RAB22A: variants seen among roughly 807,000 people sequenced by gnomAD.
RAB22A encodes the protein ras-related protein Rab-22A.
A neutral mutation model predicts 30.2 loss-of-function variants in RAB22A; 13 were observed. The observed-to-expected ratio is 0.43, with a 90% CI of 0.28 to 0.68. RAB22A has a LOEUF of 0.68. Among genes scored for constraint, RAB22A ranks in the 30% least tolerant of loss-of-function variants. The pLI is 0.18. For synonymous variants in RAB22A, 89 were observed against 87.2 expected (o/e 1.02, Z -0.11); for missense variants, 177 against 246.8 (o/e 0.72, Z 1.89).
chr20:58,341,632 CAG>C (rs1986855855), intron 2 of RAB22A, among the ~76,000 whole-genome samples: 1 of 152,142 alleles, frequency 6.6e-6, no homozygotes, highest in Admixed American at 6.5e-5. Context: ...CAGGGTCAGA[CAG>C]GGAGTTAGAT....
rs1210219542 is a variant in RAB22A, at chr20:58,361,488, T to TGG, written c.*1786_*1787dup. ...AACTTCGTTTTGTTTAAAAGACATG[T>TGG]GGATGCTCCATGCCCCTAGGATTTT... On this transcript the variant is annotated 3_prime_UTR_variant, in exon 7 of 7. Coordinates refer to ENST00000244040, the MANE Select transcript of RAB22A (RefSeq NM_020673.3). The TGG allele has an allele frequency of 6.6e-6, 1 of 152,214 alleles. No individual in the cohort carries two copies. Among genetic ancestry groups the TGG allele is most frequent in the Non-Finnish European group, 1.5e-5 (1 of 68,036 alleles). The allele number at this position is 152,214 out of a possible 1,614,324, so 9.4% of individuals were successfully genotyped here. A position where few individuals can be genotyped will look rare whatever the true frequency, so the allele number is the denominator to read the frequency against.
intron 6 of RAB22A, among the ~76,000 whole-genome samples, chr20:58,356,587 A>G (rs1197077821): frequency 6.6e-6 from 1 of 152,234 alleles, no homozygotes; most frequent in African/African-American, 2.4e-5. Context: ...ATTTTCACAA[A>G]CTGAATATAC....
intron 2 of RAB22A, among the ~76,000 whole-genome samples, chr20:58,322,087 C>T (rs933754453): frequency 4.6e-5 from 7 of 152,176 alleles, no homozygotes; most frequent in Admixed American, 4.6e-4. Flanking sequence ...CATGAGCCAC[C>T]TCACCGGGCG....
intron 2 of RAB22A, among the ~76,000 whole-genome samples, chr20:58,335,666 GA>G (rs1340237264): frequency 6.6e-6 from 1 of 152,218 alleles, no homozygotes; most frequent in African/African-American, 2.4e-5. Flanking sequence ...TCAATGGCTG[GA>G]AAAGGAAGGT....
intron 2 of RAB22A, among the ~76,000 whole-genome samples, chr20:58,323,615 TTTTTTTTTTC>T (rs1378036129): frequency 1.4e-4 from 21 of 145,202 alleles, no homozygotes; most frequent in South Asian, 1.3e-3. Flanking sequence ...AAACGTGCCC[TTTTTTTTTTC>T]TTTTTTTTTC....
chr20:58,340,535 A>G (rs1277300507), intron 2 of RAB22A, among the ~76,000 whole-genome samples: 1 of 152,184 alleles, frequency 6.6e-6, no homozygotes, highest in African/African-American at 2.4e-5. Flanking sequence ...ACAGACAGCC[A>G]CTTAGCTTGT....
At chr20:58,328,489 A>G (rs1441027689) in intron 2 of RAB22A, among the ~76,000 whole-genome samples, 1 of 152,006 alleles carries the variant, frequency 6.6e-6, no homozygotes, top group Non-Finnish European at 1.5e-5. Flanking sequence ...CATTCTTTAT[A>G]TTGTACTTGC....
At chr20:58,347,548 T>C (rs1295369539) in intron 3 of RAB22A, among the ~76,000 whole-genome samples, 1 of 152,256 alleles carries the variant, frequency 6.6e-6, no homozygotes, top group Non-Finnish European at 1.5e-5. Flanking sequence ...GATATCGTAT[T>C]GTGCTAGTAT....
chr20:58,341,384 C>T (rs2122957165), intron 2 of RAB22A, among the ~76,000 whole-genome samples: 1 of 152,124 alleles, frequency 6.6e-6, no homozygotes, highest in South Asian at 2.1e-4. Context: ...CACCACCCAA[C>T]CATTGGGTAG....
At chr20:58,311,169 C>A (rs778364865) in intron 2 of RAB22A, 47 bp downstream of exon 2, 11 of 1,481,992 alleles carry the variant, frequency 7.4e-6, no homozygotes, top group Non-Finnish European at 9.4e-7. Context: ...ATTGAAAATC[C>A]TTCCAAATAC....
At chr20:58,314,600 G>A (rs1400762540) in intron 2 of RAB22A, among the ~76,000 whole-genome samples, 4 of 152,232 alleles carry the variant, frequency 2.6e-5, no homozygotes, top group Middle Eastern at 3.4e-3. Flanking sequence ...CAGCACTTTC[G>A]GAGGCCAAGA....
intron 6 of RAB22A, among the ~76,000 whole-genome samples, chr20:58,356,109 G>A (rs539572): frequency 0.31 from 46,368 of 151,902 alleles, 7,336 homozygotes; most frequent in South Asian, 0.46. Context: ...TCAGGAGTTC[G>A]AGACCAGCCT....
intron 2 of RAB22A, among the ~76,000 whole-genome samples, chr20:58,316,230 C>T (rs1986335386): frequency 6.6e-6 from 1 of 152,214 alleles, no homozygotes; most frequent in South Asian, 2.1e-4. Context: ...GGGAGGCTCT[C>T]AGGCATGAAC....
In RAB22A at chr20:58,309,901, G is replaced by T. The variant is rs1413108682; in HGVS notation, c.-76G>T. On this transcript the variant is annotated 5_prime_UTR_variant, in exon 1 of 7. Coordinates refer to ENST00000244040, the MANE Select transcript of RAB22A (RefSeq NM_020673.3). ...GCCGTGCGGCGGCAGCGGCGCCAGGGGATGCTCTTGCTGGGCCTGGCCTCT... is the reference window on the plus strand; with the variant it reads ...GCCGTGCGGCGGCAGCGGCGCCAGGTGATGCTCTTGCTGGGCCTGGCCTCT... The T allele has an allele frequency of 8.1e-6, 10 of 1,227,088 alleles. No homozygotes were observed. The highest frequency in any genetic ancestry group is 1.0e-5 in the Non-Finnish European group (10 of 969,558). The allele number at this position is 1,227,088 out of a possible 1,614,324, so 76.0% of individuals were successfully genotyped here. A position where few individuals can be genotyped will look rare whatever the true frequency, so the allele number is the denominator to read the frequency against.
Position 58,309,825 on chromosome 20 carries a change from A to C in RAB22A, c.-152A>C. The C allele has an allele frequency of 1.5e-6, 1 of 664,302 alleles. No homozygotes were observed. The highest frequency in any genetic ancestry group is 2.1e-6 in the Non-Finnish European group (1 of 468,558). 41.2% of individuals were successfully genotyped at this position (664,302 alleles called of 1,614,324 possible). On this transcript the variant is annotated 5_prime_UTR_variant, in exon 1 of 7. Transcript: ENST00000244040. ...ACGCGGCTGGCAGCGGACAGGCCGG[A>C]CCTACGGCCGGAGGACGGGCGGCAG...
chr20:58,314,421 G>C (rs1986295378), intron 2 of RAB22A, among the ~76,000 whole-genome samples: 1 of 152,188 alleles, frequency 6.6e-6, no homozygotes, highest in Non-Finnish European at 1.5e-5. Flanking sequence ...GCAGTACTAT[G>C]AAAACATGTG....
intron 6 of RAB22A, among the ~76,000 whole-genome samples, chr20:58,357,669 T>C (rs1202223575): frequency 1.3e-5 from 2 of 152,254 alleles, no homozygotes; most frequent in South Asian, 4.1e-4. Context: ...TTATTGAGAA[T>C]AATGACAAGA....
At chr20:58,311,247 T>C (rs1227412109) in intron 2 of RAB22A, 125 bp downstream of exon 2, 13 of 904,122 alleles carry the variant, frequency 1.4e-5, no homozygotes, top group Non-Finnish European at 2.4e-5. Flanking sequence ...GTTCGCATCA[T>C]CTCTGGAAGG....
At chr20:58,330,986 G>T (rs1445532307) in intron 2 of RAB22A, among the ~76,000 whole-genome samples, 2 of 152,134 alleles carry the variant, frequency 1.3e-5, no homozygotes, top group African/African-American at 4.8e-5. Context: ...TCTATTTCCA[G>T]CCACACTGGC....
Sources: allele counts gnomAD v4.1 joint callset (sites outside exome capture counted in the v4.1 genomes callset), GRCh38; gene constraint gnomAD v4.1.1; transcripts MANE v1.5; gene names NCBI Gene and HGNC (gene_info 2026-07-23, HGNC 2026-07-21).